SORCS2: variants seen among roughly 807,000 people sequenced by gnomAD.
SORCS2 encodes VPS10 domain-containing receptor SorCS2.
SORCS2 carries 100 observed loss-of-function variants against 141.6 expected under a neutral mutation model. The observed-to-expected ratio is 0.71, with a 90% CI of 0.60 to 0.83. The LOEUF is 0.83. Among genes scored for constraint, SORCS2 ranks in the 40% least tolerant of loss-of-function variants. SORCS2 has a pLI of 0.00. For synonymous variants in SORCS2, 789 were observed against 676.9 expected (o/e 1.17, Z -2.57); for missense variants, 1,646 against 1,560.2 (o/e 1.05, Z -0.93).
chr4:7,384,851 C>A (rs747208561), intron 1 of SORCS2, among the ~76,000 whole-genome samples: 3 of 152,210 alleles, frequency 2.0e-5, no homozygotes, highest in Non-Finnish European at 2.9e-5. Context: ...GAGCCCTTTG[C>A]GGAGATGCCT....
At chr4:7,658,204 T>G (rs993334174) in intron 5 of SORCS2, among the ~76,000 whole-genome samples, 2 of 150,440 alleles carry the variant, frequency 1.3e-5, no homozygotes, top group Non-Finnish European at 3.0e-5. Flanking sequence ...GTTAAATGAA[T>G]AAGTGAGTCT....
rs1560373194 is a variant in SORCS2 at position 7,543,763 on chromosome 4, CCCA to C, written c.648+12135_648+12137del. The stretch of plus-strand genomic sequence containing the variant: ...ATCCACCCATCCACCCATCCACCCA[CCCA>C]TCCGTCCATCCATCCACTCATCCAT... On this transcript the variant is annotated intron_variant, in intron 3 of 26. Coordinates refer to ENST00000507866, the MANE Select transcript of SORCS2 (RefSeq NM_020777.3). Among the ~76,000 whole-genome samples, 35 of 61,976 alleles carry C rather than the reference CCCA, an allele frequency of 5.6e-4. 1 individual carries two copies. Among genetic ancestry groups the C allele is most frequent in the Admixed American group, 1.2e-3 (7 of 6,080 alleles). The allele number at this position is 61,976 out of a possible 152,430, so 40.7% of individuals were successfully genotyped here. A position where few individuals can be genotyped will look rare whatever the true frequency, so the allele number is the denominator to read the frequency against.
intron 1 of SORCS2, among the ~76,000 whole-genome samples, chr4:7,395,830 G>C (rs1724175272): frequency 6.6e-6 from 1 of 152,180 alleles, no homozygotes; most frequent in African/African-American, 2.4e-5. Context: ...CTCTGGTCTT[G>C]GGTGGCAGCC....
intron 1 of SORCS2, among the ~76,000 whole-genome samples, chr4:7,384,643 C>G (rs954887515): frequency 6.6e-6 from 1 of 152,244 alleles, no homozygotes; most frequent in Admixed American, 6.5e-5. Context: ...CCGGCTCCAC[C>G]CAAGACCCTT....
chr4:7,483,192 G>A (rs1335671671), intron 2 of SORCS2, among the ~76,000 whole-genome samples: 1 of 151,880 alleles, frequency 6.6e-6, no homozygotes, highest in Admixed American at 6.6e-5. Context: ...GCTTGGTGGC[G>A]GGCACCTGTA....
At chr4:7,670,488 G>A (rs570035031) in intron 8 of SORCS2, among the ~76,000 whole-genome samples, 1 of 152,162 alleles carries the variant, frequency 6.6e-6, no homozygotes, top group Non-Finnish European at 1.5e-5. Flanking sequence ...TGTATTTAAA[G>A]TAAAATAAAA....
chr4:7,395,214 T>C (rs567753546), intron 1 of SORCS2, among the ~76,000 whole-genome samples: 6 of 152,162 alleles, frequency 3.9e-5, no homozygotes, highest in Non-Finnish European at 8.8e-5. Context: ...GAAAGAAAGA[T>C]ACTAGGTCAG....
At chr4:7,695,600 G>GGA (rs1560490205) in intron 11 of SORCS2, among the ~76,000 whole-genome samples, 69 of 5,696 alleles carry the variant, frequency 0.012, 5 homozygotes, top group East Asian at 0.018. Flanking sequence ...GGGTGGGTGG[G>GGA]TGGATGGATG....
At chr4:7,357,962 G>A (rs1323387763) in intron 1 of SORCS2, among the ~76,000 whole-genome samples, 1 of 152,176 alleles carries the variant, frequency 6.6e-6, no homozygotes, top group African/African-American at 2.4e-5. Context: ...ATTTGCAGGT[G>A]GGCCTCTGGG....
chr4:7,555,554 T>C (rs1036085576), intron 3 of SORCS2, among the ~76,000 whole-genome samples: 2 of 152,246 alleles, frequency 1.3e-5, no homozygotes, highest in African/African-American at 4.8e-5. Flanking sequence ...CATTTACGCG[T>C]GCAACTATTT....
intron 3 of SORCS2, among the ~76,000 whole-genome samples, chr4:7,621,618 G>A (rs1383510347): frequency 2.0e-5 from 3 of 152,116 alleles, no homozygotes; most frequent in Non-Finnish European, 2.9e-5. Flanking sequence ...TATTTTGGGG[G>A]TGGTGGTGAT....
At chr4:7,358,675 G>A (rs1674749700) in intron 1 of SORCS2, among the ~76,000 whole-genome samples, 1 of 152,216 alleles carries the variant, frequency 6.6e-6, no homozygotes. Context: ...CATCTGCTGA[G>A]TGTGGGGATC....
At chr4:7,712,143 C>T (rs775671109) in intron 14 of SORCS2, among the ~76,000 whole-genome samples, 47 of 152,190 alleles carry the variant, frequency 3.1e-4, no homozygotes, top group Non-Finnish European at 6.5e-4. Flanking sequence ...ACCTAGGCTG[C>T]GACGGGCCAA....
At chr4:7,327,287 G>C (rs528618360) in intron 1 of SORCS2, among the ~76,000 whole-genome samples, 1 of 152,326 alleles carries the variant, frequency 6.6e-6, no homozygotes, top group Admixed American at 6.5e-5. Context: ...CTCCTCACCT[G>C]TCCCACCTCC....
intron 14 of SORCS2, among the ~76,000 whole-genome samples, chr4:7,704,933 G>T (rs1268321015): frequency 6.6e-6 from 1 of 152,106 alleles, no homozygotes. Context: ...CGGCTCCTGC[G>T]ACCCCGCGCT....
At chr4:7,236,005 A>G (rs1453175765) in intron 1 of SORCS2, among the ~76,000 whole-genome samples, 5 of 152,180 alleles carry the variant, frequency 3.3e-5, no homozygotes, top group Admixed American at 3.3e-4. Flanking sequence ...AGAAAACAAA[A>G]AAGTTGAAAA....
At chr4:7,714,830 C>T (rs901565322) in intron 16 of SORCS2, among the ~76,000 whole-genome samples, 1 of 152,202 alleles carries the variant, frequency 6.6e-6, no homozygotes, top group East Asian at 1.9e-4. Flanking sequence ...ATCATGCCCC[C>T]TGGCATTGCA....
At chr4:7,204,147 A>T (rs1727616442) in intron 1 of SORCS2, among the ~76,000 whole-genome samples, 1 of 152,110 alleles carries the variant, frequency 6.6e-6, no homozygotes, top group African/African-American at 2.4e-5. Flanking sequence ...ATTTTTTCAA[A>T]TCCCTGCTTT....
intron 2 of SORCS2, among the ~76,000 whole-genome samples, chr4:7,509,174 C>A (rs1008499659): frequency 6.6e-6 from 1 of 152,148 alleles, no homozygotes; most frequent in African/African-American, 2.4e-5. Flanking sequence ...GGTGAGGCAG[C>A]CCACATTAGA....
Sources: allele counts gnomAD v4.1 joint callset (sites outside exome capture counted in the v4.1 genomes callset), GRCh38; gene constraint gnomAD v4.1.1; transcripts MANE v1.5; gene names NCBI Gene and HGNC (gene_info 2026-07-23, HGNC 2026-07-21).